TET3: variants seen among roughly 807,000 people sequenced by gnomAD.
TET3 encodes the protein methylcytosine dioxygenase TET3.
Under a neutral mutation model 141.4 loss-of-function variants are expected in TET3, and 19 were observed. The ratio of observed to expected loss-of-function variants is 0.13; its 90% CI spans 0.09 to 0.20. TET3 has a LOEUF of 0.20. Among genes scored for constraint, TET3 ranks in the 10% least tolerant of loss-of-function variants. The pLI is 1.00. For missense variants in TET3, 1,874 were observed against 2,356.9 expected, an observed-to-expected ratio of 0.80 and a Z score of 4.24; for synonymous variants, 1,043 against 980.9, an observed-to-expected ratio of 1.06 and a Z score of -1.18.
chr2:74,118,123 G>C, the TET3 span, among the ~76,000 whole-genome samples: 1 of 152,200 alleles, frequency 6.6e-6, no homozygotes, highest in African/African-American at 2.4e-5. Context: ...TCATCTCCAC[G>C]AGAGCAGATA....
Position 74,102,028 on chromosome 2 carries a change from G to A in TET3, c.5240G>A (p.Gly1747Glu). 1.4e-5 allele frequency: 22 copies of A among 1,560,280 alleles called. No individual in the cohort carries two copies. Among genetic ancestry groups the A allele is most frequent in the Non-Finnish European group, 1.8e-5 (21 of 1,152,546 alleles). Residue 1747 changes from glycine (G) to glutamate (E), a missense_variant, in exon 12 of 12, where the codon GGG becomes GAG. Around this residue, in one of 10 missense-constraint regions of TET3, gnomAD observed 113 missense variants for 114.3 expected, o/e 0.99. Coordinates refer to ENST00000409262, the MANE Select transcript of TET3 (RefSeq NM_001287491.2). The part of the protein sequence containing the change: ...AKLYGKKRKW[G>E]GTVVAEPQQK... ...CTCTACGGGAAGAAGCGCAAGTGGG[G>A]GGGCACTGTGGTTGCTGAGCCCCAG... is the stretch of plus-strand genomic sequence containing the variant.
Position 74,104,238 on chromosome 2 carries a change from G to A in TET3, c.*2062G>A, listed in dbSNP as rs879723304. 2.6e-5 allele frequency: 4 copies of A among 152,240 alleles called. No homozygotes were observed. Among genetic ancestry groups the A allele is most frequent in the Admixed American group, 2.0e-4 (3 of 15,298 alleles). 9.4% of individuals were successfully genotyped at this position (152,240 alleles called of 1,614,324 possible). A position where few individuals can be genotyped will look rare whatever the true frequency, so the allele number is the denominator to read the frequency against. On this transcript the variant is annotated 3_prime_UTR_variant, in exon 12 of 12. Transcript: ENST00000409262. ...CTATCCTCCACTTTTACCATATTCTGTAAAGTTGCATTTATTTTACAGGAC... is the reference window on the plus strand; with the variant it reads ...CTATCCTCCACTTTTACCATATTCTATAAAGTTGCATTTATTTTACAGGAC...
intron 3 of TET3, among the ~76,000 whole-genome samples, chr2:74,020,738 CCCTGCTGTTGTTAAG>C (rs1480058541): frequency 6.6e-6 from 1 of 152,200 alleles, no homozygotes; most frequent in African/African-American, 2.4e-5. Flanking sequence ...AGAAGGGAAT[CCCTGCTGTTGTTAAG>C]CAGGGGTCAG....
chr2:73,999,164 C>T (rs1228763988), intron 2 of TET3, among the ~76,000 whole-genome samples: 3 of 152,156 alleles, frequency 2.0e-5, no homozygotes, highest in African/African-American at 7.2e-5. Context: ...TCCCTCTACC[C>T]TCTACCAGCT....
chr2:74,046,932 C>T lies in TET3; in HGVS notation c.1015C>T (p.Leu339=), dbSNP rs1291456302. 6.2e-7 allele frequency: 1 copy of T among 1,613,854 alleles called. No individual in the cohort carries two copies. Among genetic ancestry groups the T allele is most frequent in the Non-Finnish European group, 8.5e-7 (1 of 1,179,894 alleles). Residue 339 remains leucine (L), a synonymous_variant, in exon 4 of 12, where the codon CTG becomes TTG. Transcript: ENST00000409262. The surrounding 1 kb of genome is among the most constrained non-coding windows in gnomAD (Gnocchi z 4.3). ...GATCTCTCCCCAAGAGGGCCTGCCC[C>T]TGTCCCAGAGTGCCCTGAGCATTGC... ...PQISPQEGLP[L]SQSALSIAKE...
At chr2:74,124,917 T>C in the TET3 span, among the ~76,000 whole-genome samples, 1 of 75,914 alleles carries the variant, frequency 1.3e-5, no homozygotes, top group African/African-American at 5.5e-5. Flanking sequence ...CCAAGAATGA[T>C]CAATAAATAC....
intron 6 of TET3, among the ~76,000 whole-genome samples, chr2:74,085,440 C>T (rs558035959): frequency 4.3e-4 from 65 of 152,342 alleles, no homozygotes; most frequent in African/African-American, 1.3e-3. Flanking sequence ...ACGATCCACT[C>T]GTGACCAGGT....
intron 4 of TET3, among the ~76,000 whole-genome samples, chr2:74,064,754 T>C (rs372816318): frequency 4.9e-4 from 75 of 152,252 alleles, no homozygotes; most frequent in Non-Finnish European, 7.5e-4. Flanking sequence ...TGTAAAAAAT[T>C]TGAAAAAACT....
chr2:74,101,451 A>G lies in TET3; in HGVS notation c.4663A>G (p.Lys1555Glu). The change falls in exon 12 of 12, where the codon AAG becomes GAG. Residue 1555 changes from lysine (K) to glutamate (E), a missense_variant. By Grantham distance (56) the Lys-to-Glu change is moderately conservative. Around this residue, in one of 10 missense-constraint regions of TET3, gnomAD observed 602 missense variants for 590.2 expected, o/e 1.02. Transcript: ENST00000409262. This position sits in a 1 kb window ranked among gnomAD's most constrained non-coding sequence, Gnocchi z 8.5. ...ALKGSPGFQD[K>E]LWNPMKGEEG... is the part of the protein sequence containing the mutation. ...GAAAGGTAGTCCTGGGTTCCAAGACAAGCTGTGGAACCCCATGAAAGGAGA... is the reference window on the plus strand; with the variant it reads ...GAAAGGTAGTCCTGGGTTCCAAGACGAGCTGTGGAACCCCATGAAAGGAGA... 6.2e-7 allele frequency: 1 copy of G among 1,613,844 alleles called. No individual in the cohort carries two copies. Among genetic ancestry groups the G allele is most frequent in the Non-Finnish European group, 8.5e-7 (1 of 1,179,866 alleles).
intron 3 of TET3, among the ~76,000 whole-genome samples, chr2:74,033,867 G>C (rs892652473): frequency 1.3e-5 from 2 of 151,990 alleles, no homozygotes; most frequent in Non-Finnish European, 2.9e-5. Context: ...AGGCTGAGGC[G>C]GGCGGATCAC....
chr2:74,080,179 CT>C (rs1302620133), intron 5 of TET3, among the ~76,000 whole-genome samples: 3 of 152,316 alleles, frequency 2.0e-5, no homozygotes, highest in African/African-American at 7.2e-5. Flanking sequence ...CATGTTTAGC[CT>C]TTGGTTTCAG....
chr2:74,048,282 A>C lies in TET3; in HGVS notation c.2365A>C (p.Asn789His). The change falls in exon 4 of 12, where the codon AAC becomes CAC. Residue 789 changes from asparagine (N) to histidine (H), a missense_variant. Coordinates refer to ENST00000409262, the MANE Select transcript of TET3 (RefSeq NM_001287491.2). ...GGAGGCCACACCCACCAAGGCTGAG[A>C]ACCCACTCACACCCACCCTCAGTGG... ...GQEATPTKAE[N>H]PLTPTLSGFL... The C allele has an allele frequency of 6.2e-7, 1 of 1,613,820 alleles. No individual in the cohort carries two copies. Among genetic ancestry groups the C allele is most frequent in the East Asian group, 2.2e-5 (1 of 44,870 alleles).
At position 74,084,425 on chromosome 2, in the gene TET3, A is replaced by G. The variant is rs368648294; in HGVS notation, c.2680-3405A>G. Among the ~76,000 whole-genome samples the G allele has an allele frequency of 5.9e-5, 9 of 151,730 alleles. No individual in the cohort carries two copies. In the East Asian group the frequency reaches 9.7e-4, roughly 16 times the overall value. On this transcript the variant is annotated intron_variant, in intron 6 of 11. Coordinates refer to ENST00000409262, the MANE Select transcript of TET3 (RefSeq NM_001287491.2). Reference sequence around the variant, plus strand: ...GCAGCTCACCTGAGATCAGGAGTTCAAGACCAGCCTGGTAAGACCATGTCT... The same window carrying G: ...GCAGCTCACCTGAGATCAGGAGTTCGAGACCAGCCTGGTAAGACCATGTCT...
At chr2:74,115,287 A>G in the TET3 span, among the ~76,000 whole-genome samples, 1 of 152,324 alleles carries the variant, frequency 6.6e-6, no homozygotes, top group Non-Finnish European at 1.5e-5. Context: ...CTATTTAAAA[A>G]TGGGCAAATG....
chr2:74,101,057 C>T lies in TET3; in HGVS notation c.4269C>T (p.Ser1423=), dbSNP rs371958277. 2.4e-5 allele frequency: 38 copies of T among 1,612,520 alleles called. No homozygotes were observed. Among genetic ancestry groups the T allele is most frequent in the Admixed American group, 1.5e-4 (9 of 59,830 alleles). The part of the protein sequence containing the change: ...DAGKMGKTPL[S]EVSQNGGPSH... ...GCAAGATGGGCAAGACACCTCTGTC[C>T]GAGGTGTCTCAGAATGGAGGACCCA... is the stretch of plus-strand genomic sequence containing the variant. Residue 1423 remains serine (S), a synonymous_variant, in exon 12 of 12, where the codon TCC becomes TCT. Coordinates refer to ENST00000409262, the MANE Select transcript of TET3 (RefSeq NM_001287491.2). This position sits in a 1 kb window ranked among gnomAD's most constrained non-coding sequence, Gnocchi z 8.5.
At chr2:74,119,081 T>C in the TET3 span, among the ~76,000 whole-genome samples, 41,001 of 152,024 alleles carry the variant, frequency 0.27, 6,413 homozygotes, top group African/African-American at 0.41. Context: ...TTTGGCTGGG[T>C]GCGGTGGCTC....
At chr2:74,008,244 A>G (rs549565048) in intron 3 of TET3, among the ~76,000 whole-genome samples, 1 of 152,258 alleles carries the variant, frequency 6.6e-6, no homozygotes. Context: ...AAGTTCTCTG[A>G]GTGCCCCAAA....
chr2:74,098,985 C>T (rs1162391673), intron 10 of TET3, among the ~76,000 whole-genome samples: 1 of 152,220 alleles, frequency 6.6e-6, no homozygotes, highest in African/African-American at 2.4e-5. Context: ...CAGAGCAAGC[C>T]TCCAGGTCCT....
intron 4 of TET3, among the ~76,000 whole-genome samples, chr2:74,061,701 C>T (rs1407826897): frequency 0.023 from 3,129 of 136,898 alleles, 142 homozygotes; most frequent in African/African-American, 0.086. Context: ...ACTTCTCAGA[C>T]GGGGCAGCTG....
Sources: gnomAD v4.1 joint callset for allele counts (sites outside exome capture counted in the v4.1 genomes callset) on GRCh38, gnomAD v4.1.1 for gene constraint, gnomAD v4.1.1 regional missense constraint, Gnocchi (gnomAD v3.1) non-coding constraint, MANE v1.5 for transcripts, NCBI Gene and HGNC (gene_info 2026-07-23, HGNC 2026-07-21) for gene names.